Variants in PCDHGA1 observed in about 807,000 individuals in gnomAD.
The protein encoded by PCDHGA1 is protocadherin gamma subfamily A, 1.
Under a neutral mutation model 58.0 loss-of-function variants are expected in PCDHGA1, and 32 were observed. The ratio of observed to expected loss-of-function variants is 0.55; its 90% CI spans 0.42 to 0.74. PCDHGA1 has a LOEUF of 0.74. Ranked by LOEUF, PCDHGA1 falls within the 30% of genes least tolerant of loss-of-function variation. PCDHGA1 has a pLI of 0.00. For synonymous variants in PCDHGA1, 498 were observed against 501.1 expected (o/e 0.99, Z 0.08); for missense variants, 1,205 against 1,182.3 (o/e 1.02, Z -0.28).
In PCDHGA1 at chr5:141,459,848, C is replaced by T. The variant is rs573481876; in HGVS notation, c.2422-34959C>T. Among the ~76,000 whole-genome samples the T allele has an allele frequency of 1.1e-4, 16 of 152,244 alleles. No homozygotes were observed. In the South Asian group the frequency reaches 2.5e-3, roughly 24 times the overall value. ...TTTCATGTGTTGTCTATTTGTATATCTTCTTGAAGCATTCGTTCATCTTTA... is the reference window on the plus strand; with the variant it reads ...TTTCATGTGTTGTCTATTTGTATATTTTCTTGAAGCATTCGTTCATCTTTA... On this transcript the variant is annotated intron_variant, in intron 1 of 3. Transcript: ENST00000517417.
intron 1 of PCDHGA1, chr5:141,387,722 C>G: frequency 8.6e-7 from 1 of 1,159,212 alleles, no homozygotes; most frequent in Non-Finnish European, 1.2e-6. Flanking sequence ...TCAGACTCCC[C>G]AGCGCCAGCC....
chr5:141,478,045 T>A, intron 1 of PCDHGA1: 1 of 1,614,144 alleles, frequency 6.2e-7, no homozygotes, highest in Non-Finnish European at 8.5e-7. Context: ...CCAGGCAGAC[T>A]CTCACGGTCT....
Position 141,334,948 on chromosome 5 carries a change from A to C in PCDHGA1, c.2421+1843A>C, listed in dbSNP as rs1227531786. On this transcript the variant is annotated intron_variant, in intron 1 of 3. Transcript: ENST00000517417. This position sits in a 1 kb window ranked among gnomAD's most constrained non-coding sequence, Gnocchi z 4.6. ...AACAAACAGAGCTCTTCCACTAAAA[A>C]TAAATATACAAACCAAAATTTCAAA... Among the ~76,000 whole-genome samples the C allele has an allele frequency of 6.6e-6, 1 of 152,234 alleles. No individual in the cohort carries two copies. Among genetic ancestry groups the C allele is most frequent in the Non-Finnish European group, 1.5e-5 (1 of 68,046 alleles).
intron 1 of PCDHGA1, among the ~76,000 whole-genome samples, chr5:141,381,820 C>CTTTCTTTCTTTCT (rs1279410534): frequency 1.7e-3 from 198 of 119,790 alleles, no homozygotes; most frequent in African/African-American, 6.6e-3. Context: ...TTCTTTCTTT[C>CTTTCTTTCTTTCT]TTCTTCTTTT....
chr5:141,361,159 G>A (rs776154088), intron 1 of PCDHGA1: 55 of 1,613,798 alleles, frequency 3.4e-5, no homozygotes, highest in Non-Finnish European at 3.1e-5. Context: ...TGATGACAAC[G>A]ATTGTGCACC....
intron 1 of PCDHGA1, among the ~76,000 whole-genome samples, chr5:141,433,408 A>ATCT (rs1413347413): frequency 3.1e-3 from 395 of 127,344 alleles, no homozygotes; most frequent in African/African-American, 0.011. Context: ...TCTATCTATT[A>ATCT]CTTTCTTGTA....
Position 141,393,514 on chromosome 5 carries a change from A to T in PCDHGA1, c.2421+60409A>T, listed in dbSNP as rs72492419. 17 of 1,613,912 alleles carry T rather than the reference A, an allele frequency of 1.1e-5. No individual in the cohort carries two copies. In the East Asian group the frequency reaches 3.8e-4, roughly 36 times the overall value. Reference sequence around the variant, plus strand: ...GTGCGCATCCACGTGACAGTGTTGGATACAAATGACAATGCCCCGGTTTTT... The same window carrying T: ...GTGCGCATCCACGTGACAGTGTTGGTTACAAATGACAATGCCCCGGTTTTT... On this transcript the variant is annotated intron_variant, in intron 1 of 3. Coordinates refer to ENST00000517417, the MANE Select transcript of PCDHGA1 (RefSeq NM_018912.3).
At chr5:141,394,577 G>A (rs757579320) in intron 1 of PCDHGA1, 5 of 1,613,986 alleles carry the variant, frequency 3.1e-6, no homozygotes, top group South Asian at 1.1e-5. Context: ...GCTACCTGGT[G>A]ACCAAGGTGG....
chr5:141,336,965 A>G (rs1756648619), intron 1 of PCDHGA1, among the ~76,000 whole-genome samples: 1 of 152,218 alleles, frequency 6.6e-6, no homozygotes, highest in South Asian at 2.1e-4. Context: ...TAAAATGAGC[A>G]AAGGACTTGA....
At chr5:141,385,369 G>A in intron 1 of PCDHGA1, 1 of 1,532,174 alleles carries the variant, frequency 6.5e-7, no homozygotes, top group East Asian at 2.3e-5. Flanking sequence ...TTATTTGCAT[G>A]ATATTTCTCT....
At chr5:141,383,222 T>C in intron 1 of PCDHGA1, 1 of 1,613,962 alleles carries the variant, frequency 6.2e-7, no homozygotes, top group Non-Finnish European at 8.5e-7. Context: ...AACTTTAACA[T>C]CCTGATGGAA....
At chr5:141,418,308 T>G in intron 1 of PCDHGA1, 6 of 1,613,946 alleles carry the variant, frequency 3.7e-6, no homozygotes, top group Non-Finnish European at 5.1e-6. Flanking sequence ...AGCCTGGGGA[T>G]GGGAACAATT....
At chr5:141,453,608 C>T (rs1015022396) in intron 1 of PCDHGA1, among the ~76,000 whole-genome samples, 6 of 152,068 alleles carry the variant, frequency 3.9e-5, no homozygotes, top group South Asian at 2.1e-4. Context: ...TTTTGCAAAA[C>T]GCAAAAACAA....
intron 2 of PCDHGA1, among the ~76,000 whole-genome samples, chr5:141,503,700 C>G (rs2099828974): frequency 6.6e-6 from 1 of 152,016 alleles, no homozygotes; most frequent in Non-Finnish European, 1.5e-5. Flanking sequence ...GAGATTCCTG[C>G]TTTCCCCTTC....
At chr5:141,497,745 G>C (rs1475395529) in intron 2 of PCDHGA1, among the ~76,000 whole-genome samples, 1 of 152,070 alleles carries the variant, frequency 6.6e-6, no homozygotes, top group Non-Finnish European at 1.5e-5. Flanking sequence ...CGCCACGTTG[G>C]CCAGGCTGGT....
Position 141,375,504 on chromosome 5 carries a change from T to A in PCDHGA1, c.2421+42399T>A. The A allele has an allele frequency of 2.5e-6, 4 of 1,614,004 alleles. No homozygotes were observed. The South Asian group carries it at 4.4e-5, about 18-fold the overall frequency. ...CCCAGGGGTGCCTCCATCTTCTCTG[T>A]GAATGCACTGGACCCTGACGTGGAC... On this transcript the variant is annotated intron_variant, in intron 1 of 3. Coordinates refer to ENST00000517417, the MANE Select transcript of PCDHGA1 (RefSeq NM_018912.3).
intron 1 of PCDHGA1, among the ~76,000 whole-genome samples, chr5:141,479,909 A>G (rs2099509651): frequency 6.6e-6 from 1 of 152,160 alleles, no homozygotes; most frequent in South Asian, 2.1e-4. Context: ...AAACACTGTT[A>G]TTTTGTTACT....
intron 1 of PCDHGA1, among the ~76,000 whole-genome samples, chr5:141,444,106 G>A (rs2098417269): frequency 7.6e-6 from 1 of 131,112 alleles, no homozygotes; most frequent in South Asian, 2.6e-4. Flanking sequence ...TGGAAACCAA[G>A]AAAAGTGAAG....
chr5:141,414,715 G>A, intron 1 of PCDHGA1: 1 of 1,614,128 alleles, frequency 6.2e-7, no homozygotes. Context: ...CATCAACTCA[G>A]ACACTGGCGT....
Sources: gnomAD v4.1 joint callset for allele counts (sites outside exome capture counted in the v4.1 genomes callset) on GRCh38, gnomAD v4.1.1 for gene constraint, Gnocchi (gnomAD v3.1) non-coding constraint, MANE v1.5 for transcripts, NCBI Gene and HGNC (gene_info 2026-07-23, HGNC 2026-07-21) for gene names.